Variants in ZNF343 observed in about 807,000 individuals in gnomAD.
ZNF343 encodes the protein zinc finger protein 343.
A neutral mutation model predicts 13.8 loss-of-function variants in ZNF343; 11 were observed. The observed-to-expected ratio is 0.80, with a 90% confidence interval of 0.50 to 1.32. ZNF343 has a LOEUF of 1.32. Among genes scored for constraint, ZNF343 ranks in the 40% most tolerant of loss-of-function variants. ZNF343 has a pLI of 0.00. For synonymous variants in ZNF343, 248 were observed against 260.0 expected (o/e 0.95, Z 0.44); for missense variants, 658 against 714.2 (o/e 0.92, Z 0.90).
chr20:2,504,900 G>T (rs2085629675), intron 1 of ZNF343, among the ~76,000 whole-genome samples: 1 of 152,218 alleles, frequency 6.6e-6, no homozygotes, highest in Non-Finnish European at 1.5e-5. Context: ...ACAAGACAGG[G>T]ATGCCCTCTC....
At position 2,484,339 on chromosome 20, in the gene ZNF343, T is replaced by G. The variant is rs760468282; in HGVS notation, c.622A>C (p.Asn208His). The change falls in exon 6 of 6, where the codon AAC (asparagine) becomes CAC (histidine). Residue 208 changes from asparagine to histidine, a missense_variant. Coordinates refer to ENST00000278772, the MANE Select transcript of ZNF343 (RefSeq NM_024325.6). Reference protein sequence around the residue: ...QRQSASPRKGNMVVETEPSSA... With the variant: ...QRQSASPRKGHMVVETEPSSA... Reference sequence around the variant, plus strand: ...CTGGGCTCTGTTTCTACCACCATGTTGCCTTTTCTAGGACTTGCTGACTGT... The same window carrying G: ...CTGGGCTCTGTTTCTACCACCATGTGGCCTTTTCTAGGACTTGCTGACTGT... The G allele has an allele frequency of 1.9e-6, 3 of 1,614,124 alleles. No individual in the cohort carries two copies. The African/African-American group carries it at 4.0e-5, about 22-fold the overall frequency.
At chr20:2,505,123 A>G (rs1006995932) in intron 1 of ZNF343, among the ~76,000 whole-genome samples, 11 of 152,162 alleles carry the variant, frequency 7.2e-5, no homozygotes, top group Admixed American at 5.2e-4. Context: ...TACAAAATCA[A>G]TGTGCAACAA....
intron 1 of ZNF343, among the ~76,000 whole-genome samples, chr20:2,523,270 C>T (rs1378819634): frequency 1.3e-5 from 2 of 152,202 alleles, no homozygotes; most frequent in African/African-American, 2.4e-5. Flanking sequence ...AATTGCCCAC[C>T]CCTTTTCCAG....
At chr20:2,498,730 A>G (rs1008633457) in intron 2 of ZNF343, among the ~76,000 whole-genome samples, 5 of 152,334 alleles carry the variant, frequency 3.3e-5, no homozygotes, top group African/African-American at 1.2e-4. Context: ...TTTCTTCCTC[A>G]CAACTCCCTG....
intron 2 of ZNF343, among the ~76,000 whole-genome samples, chr20:2,498,718 C>T (rs2122656263): frequency 6.6e-6 from 1 of 152,294 alleles, no homozygotes; most frequent in Non-Finnish European, 1.5e-5. Flanking sequence ...GGAATTACCA[C>T]ATTTCTTCCT....
chr20:2,489,135 AT>A (rs1304615099), intron 5 of ZNF343, among the ~76,000 whole-genome samples: 1 of 152,208 alleles, frequency 6.6e-6, no homozygotes, highest in Non-Finnish European at 1.5e-5. Flanking sequence ...TAGTAATGGT[AT>A]TGTGGTTATG....
intron 5 of ZNF343, among the ~76,000 whole-genome samples, chr20:2,490,915 C>G (rs529653155): frequency 6.6e-6 from 1 of 152,244 alleles, no homozygotes; most frequent in Non-Finnish European, 1.5e-5. Flanking sequence ...ATGGATGAAT[C>G]TACAGTGATT....
At chr20:2,488,198 T>C (rs975972501) in intron 5 of ZNF343, among the ~76,000 whole-genome samples, 2 of 152,184 alleles carry the variant, frequency 1.3e-5, no homozygotes, top group African/African-American at 2.4e-5. Flanking sequence ...AACCTTTTCC[T>C]GTGTCCAGGT....
intron 2 of ZNF343, among the ~76,000 whole-genome samples, chr20:2,496,464 T>C (rs2085460689): frequency 6.6e-6 from 1 of 152,058 alleles, no homozygotes; most frequent in Admixed American, 6.6e-5. Context: ...GCATGCTGGT[T>C]TTGATGTGGA....
chr20:2,493,618 C>CA, intron 3 of ZNF343, 41 bp from the exon 4 acceptor site: 18 of 866,018 alleles, frequency 2.1e-5, no homozygotes, highest in Non-Finnish European at 3.0e-5. Flanking sequence ...CAGACCCCCC[C>CA]ACCCCCCACC....
At chr20:2,517,853 T>TTAA (rs999290637) in intron 1 of ZNF343, among the ~76,000 whole-genome samples, 1 of 151,596 alleles carries the variant, frequency 6.6e-6, no homozygotes, top group African/African-American at 2.4e-5. Context: ...AAAGTAAGCT[T>TTAA]TAATAATAAT....
Position 2,493,560 on chromosome 20 carries a change from T to A in ZNF343, c.136A>T (p.Thr46Ser). ...CCCTCCTTTTTCTGGGGGCAGTCAG[T>A]ATCATTAGAAGGCAAGCCTAGGGAA... is the stretch of plus-strand genomic sequence containing the variant. ...HKAKGLPSND[T>S]DCPQKKEGKA... The change falls in exon 4 of 6, where the codon ACT (threonine) becomes TCT (serine). Residue 46 changes from threonine to serine, a missense_variant. Coordinates refer to ENST00000278772, the MANE Select transcript of ZNF343 (RefSeq NM_024325.6). 1 of 1,613,240 alleles carries A rather than the reference T, an allele frequency of 6.2e-7. No homozygotes were observed. Among genetic ancestry groups the A allele is most frequent in the Non-Finnish European group, 8.5e-7 (1 of 1,179,842 alleles).
chr20:2,497,013 G>A (rs2085470721), intron 2 of ZNF343, among the ~76,000 whole-genome samples: 1 of 152,180 alleles, frequency 6.6e-6, no homozygotes. Flanking sequence ...CCGGGAGACA[G>A]AGGTTGCGGT....
At chr20:2,511,761 G>A (rs1204499003), upstream of ZNF343, among the ~76,000 whole-genome samples, 15 of 152,164 alleles carry the variant, frequency 9.9e-5, no homozygotes, top group African/African-American at 9.7e-5. Context: ...CAGTCTCAAA[G>A]CCTACATTCA....
At chr20:2,489,952 G>C (rs1405741069) in intron 5 of ZNF343, among the ~76,000 whole-genome samples, 2 of 148,562 alleles carry the variant, frequency 1.3e-5, no homozygotes, top group African/African-American at 5.0e-5. Flanking sequence ...AAGAGTTCGA[G>C]ACCAGCCTGG....
intron 2 of ZNF343, among the ~76,000 whole-genome samples, chr20:2,495,044 G>A (rs1031320520): frequency 2.6e-5 from 4 of 152,186 alleles, no homozygotes; most frequent in Non-Finnish European, 5.9e-5. Context: ...CTCCTCAGAC[G>A]CTGTCCAGGA....
Position 2,514,070 on chromosome 20 carries a change from G to A in ZNF343, c.-347+10385C>T, listed in dbSNP as rs567923883. Among the ~76,000 whole-genome samples the A allele has an allele frequency of 3.3e-5, 5 of 152,050 alleles. No individual in the cohort carries two copies. The South Asian group carries it at 1.0e-3, about 32-fold the overall frequency. On this transcript the variant is annotated intron_variant, in intron 1 of 6. Transcript: ENST00000358413. ...GCCATAACGGGATGTCTTAATTGGA[G>A]AATCACATAAAAGGAAAAAGAAGTT...
At chr20:2,484,947 T>C (rs2085259688) in intron 5 of ZNF343, among the ~76,000 whole-genome samples, 1 of 152,094 alleles carries the variant, frequency 6.6e-6, no homozygotes, top group East Asian at 1.9e-4. Flanking sequence ...GACATTCACA[T>C]TGGTATATAC....
chr20:2,499,817 T>C (rs143652742), intron 2 of ZNF343, among the ~76,000 whole-genome samples: 102 of 152,240 alleles, frequency 6.7e-4, no homozygotes, highest in Non-Finnish European at 1.1e-3. Context: ...AGTGGGAGAA[T>C]TGGCCTTGCT....
Sources: allele counts gnomAD v4.1 joint callset (sites outside exome capture counted in the v4.1 genomes callset), GRCh38; gene constraint gnomAD v4.1.1; transcripts MANE v1.5; gene names NCBI Gene and HGNC (gene_info 2026-07-23, HGNC 2026-07-21).